TRPM3: variants seen among roughly 807,000 people sequenced by gnomAD.
TRPM3 encodes transient receptor potential cation channel subfamily M member 3.
A neutral mutation model predicts 181.2 loss-of-function variants in TRPM3; 77 were observed. That is an observed-to-expected ratio of 0.42 (90% confidence interval 0.35 to 0.51). The LOEUF (loss-of-function observed/expected upper bound fraction) is 0.51, where lower values mean the gene tolerates loss of function less well. Ranked by LOEUF, TRPM3 falls within the 20% of genes least tolerant of loss-of-function variation. TRPM3 has a pLI of 0.01. For synonymous variants in TRPM3, 745 were observed against 796.4 expected, an observed-to-expected ratio of 0.94 and a Z score of 1.09; for missense variants, 1,759 against 2,196.7, an observed-to-expected ratio of 0.80 and a Z score of 3.98.
chr9:71,010,233 G>A (rs765460282), intron 1 of TRPM3, among the ~76,000 whole-genome samples: 23 of 152,150 alleles, frequency 1.5e-4, no homozygotes, highest in Admixed American at 6.5e-4. Context: ...GACAAATGCG[G>A]TTACATGAAA....
chr9:71,205,776 A>T (rs542849866), intron 1 of TRPM3, among the ~76,000 whole-genome samples: 1 of 152,332 alleles, frequency 6.6e-6, no homozygotes, highest in Non-Finnish European at 1.5e-5. Flanking sequence ...ACACAAATTA[A>T]TAAATGTTTC....
intron 9 of TRPM3, among the ~76,000 whole-genome samples, chr9:70,679,025 T>C (rs189935862): frequency 5.4e-4 from 83 of 152,354 alleles, no homozygotes; most frequent in Non-Finnish European, 1.0e-3. Context: ...ATGTTCATGA[T>C]GGTGATTAGA....
At chr9:70,684,622 C>A (rs559727200) in intron 8 of TRPM3, among the ~76,000 whole-genome samples, 4 of 151,972 alleles carry the variant, frequency 2.6e-5, no homozygotes, top group Non-Finnish European at 4.4e-5. Context: ...AAAACTAAGG[C>A]CTTCCTTTCC....
At chr9:71,155,188 C>T (rs899676297) in intron 1 of TRPM3, among the ~76,000 whole-genome samples, 6 of 152,136 alleles carry the variant, frequency 3.9e-5, no homozygotes, top group African/African-American at 1.2e-4. Context: ...TTTGTGTCTA[C>T]CGTTGGGAGA....
intron 1 of TRPM3, among the ~76,000 whole-genome samples, chr9:71,188,963 G>A (rs1165889923): frequency 6.6e-6 from 1 of 151,818 alleles, no homozygotes; most frequent in Non-Finnish European, 1.5e-5. Flanking sequence ...GTCCATTGAG[G>A]AAAAAGGTCT....
chr9:70,811,354 T>C, intron 6 of TRPM3: 1 of 904,272 alleles, frequency 1.1e-6, no homozygotes, highest in Non-Finnish European at 1.7e-6. Flanking sequence ...TGATGGCAAC[T>C]CAAGTTGCAC....
intron 1 of TRPM3, among the ~76,000 whole-genome samples, chr9:71,039,232 C>A (rs887469005): frequency 6.6e-6 from 1 of 152,128 alleles, no homozygotes; most frequent in African/African-American, 2.4e-5. Flanking sequence ...GTGCTTCAGT[C>A]TTGAGCAAAG....
chr9:71,247,181 C>T (rs1301280675), intron 1 of TRPM3, among the ~76,000 whole-genome samples: 1 of 151,886 alleles, frequency 6.6e-6, no homozygotes, highest in African/African-American at 2.4e-5. Context: ...TGGTGAAATA[C>T]TGTCTGTACT....
At chr9:70,660,565 A>G (rs979045630) in intron 9 of TRPM3, among the ~76,000 whole-genome samples, 1 of 152,100 alleles carries the variant, frequency 6.6e-6, no homozygotes, top group African/African-American at 2.4e-5. Context: ...AGACTGTGTC[A>G]TGGGCACACA....
intron 1 of TRPM3, among the ~76,000 whole-genome samples, chr9:71,009,684 GTC>G (rs1279627087): frequency 1.3e-5 from 2 of 151,958 alleles, no homozygotes; most frequent in African/African-American, 4.8e-5. Flanking sequence ...ATTTAATGCA[GTC>G]TCTATCAAAA....
chr9:70,901,241 A>G (rs1420409689), intron 1 of TRPM3, among the ~76,000 whole-genome samples: 1 of 152,214 alleles, frequency 6.6e-6, no homozygotes, highest in Non-Finnish European at 1.5e-5. Context: ...GCCAAAGGAA[A>G]CACCTTTGAT....
chr9:71,175,164 T>C (rs914589478), intron 1 of TRPM3, among the ~76,000 whole-genome samples: 9 of 152,118 alleles, frequency 5.9e-5, no homozygotes, highest in African/African-American at 9.7e-5. Context: ...GAAAGTAGGA[T>C]TGAGAGACAG....
chr9:71,215,059 AAAAC>A (rs1343234170), intron 1 of TRPM3, among the ~76,000 whole-genome samples: 6 of 151,344 alleles, frequency 4.0e-5, no homozygotes, highest in Non-Finnish European at 7.4e-5. Context: ...AAAAAAAAAA[AAAAC>A]AACAACCCAA....
At chr9:70,804,129 G>A (rs907969122) in intron 6 of TRPM3, among the ~76,000 whole-genome samples, 5 of 152,008 alleles carry the variant, frequency 3.3e-5, no homozygotes, top group African/African-American at 1.2e-4. Flanking sequence ...CCACCAGTTC[G>A]AGATCAGCCT....
At chr9:70,978,137 T>C (rs1307733286) in intron 1 of TRPM3, among the ~76,000 whole-genome samples, 1 of 152,204 alleles carries the variant, frequency 6.6e-6, no homozygotes, top group Non-Finnish European at 1.5e-5. Context: ...GAGATGCTCC[T>C]GTCATCCAGG....
intron 1 of TRPM3, among the ~76,000 whole-genome samples, chr9:71,173,275 T>C (rs1434812104): frequency 6.6e-6 from 1 of 152,120 alleles, no homozygotes; most frequent in Admixed American, 6.5e-5. Context: ...ATTATATATA[T>C]TAACAATATA....
At chr9:70,876,738 G>A (rs1358704455) in intron 1 of TRPM3, among the ~76,000 whole-genome samples, 2 of 151,866 alleles carry the variant, frequency 1.3e-5, no homozygotes, top group Non-Finnish European at 2.9e-5. Context: ...GACAAGCTAT[G>A]CTAATTTTAA....
intron 1 of TRPM3, among the ~76,000 whole-genome samples, chr9:71,445,794 A>AAC (rs2094195621): frequency 6.6e-6 from 1 of 152,024 alleles, no homozygotes; most frequent in African/African-American, 2.4e-5. Context: ...CACACACACA[A>AAC]ACACACACAC....
intron 4 of TRPM3, among the ~76,000 whole-genome samples, chr9:70,845,769 C>T (rs1028636258): frequency 1.3e-5 from 2 of 152,064 alleles, no homozygotes; most frequent in African/African-American, 4.8e-5. Context: ...TAAAAATGTT[C>T]TGTAAATAAG....
Sources: allele counts gnomAD v4.1 joint callset (sites outside exome capture counted in the v4.1 genomes callset), GRCh38; gene constraint gnomAD v4.1.1; transcripts MANE v1.5; gene names NCBI Gene and HGNC (gene_info 2026-07-23, HGNC 2026-07-21).